The following SOX6 variants were observed in gnomAD, a reference collection of about 807,000 sequenced individuals.
SOX6 encodes SRY-box transcription factor 6.
In SOX6, 11 loss-of-function variants were observed where a neutral mutation model predicts 97.8. That is an observed-to-expected ratio of 0.11 (90% CI 0.07 to 0.19). The LOEUF is 0.19. SOX6 is among the 10% of genes least tolerant of loss of function. The probability of loss-of-function intolerance (pLI) is 1.00; values close to 1 mark genes in which losing one functional copy is unlikely to be tolerated. For synonymous variants in SOX6, 360 were observed against 371.4 expected, an observed-to-expected ratio of 0.97 and a Z score of 0.35; for missense variants, 810 against 1,039.5, an observed-to-expected ratio of 0.78 and a Z score of 3.04.
chr11:16,142,214 C>T (rs1850161887), intron 6 of SOX6, among the ~76,000 whole-genome samples: 2 of 152,188 alleles, frequency 1.3e-5, no homozygotes, highest in African/African-American at 4.8e-5. Context: ...TGTTCTGCAG[C>T]CTCCACTGCT....
chr11:15,997,743 G>T (rs553722385), intron 13 of SOX6, among the ~76,000 whole-genome samples: 18 of 152,256 alleles, frequency 1.2e-4, no homozygotes, highest in East Asian at 7.7e-4. Flanking sequence ...GTGAACTACC[G>T]AATGCTTTCT....
intron 12 of SOX6, among the ~76,000 whole-genome samples, chr11:16,039,442 T>C (rs938888066): frequency 6.6e-6 from 1 of 152,088 alleles, no homozygotes; most frequent in Non-Finnish European, 1.5e-5. Flanking sequence ...TAGCATATAT[T>C]CAAAGTATCA....
intron 3 of SOX6, among the ~76,000 whole-genome samples, chr11:16,302,033 G>T (rs562458263): frequency 6.6e-6 from 1 of 152,004 alleles, no homozygotes; most frequent in South Asian, 2.1e-4. Flanking sequence ...CTCCTAATTA[G>T]CAACCTCAAC....
intron 3 of SOX6, among the ~76,000 whole-genome samples, chr11:16,648,795 C>T (rs770402384): frequency 6.6e-6 from 1 of 152,024 alleles, no homozygotes; most frequent in Non-Finnish European, 1.5e-5. Context: ...ATAAAGAATT[C>T]AGAAGGTTGA....
At chr11:16,445,692 C>A (rs1251827190) in intron 1 of SOX6, among the ~76,000 whole-genome samples, 1 of 152,018 alleles carries the variant, frequency 6.6e-6, no homozygotes, top group Non-Finnish European at 1.5e-5. Flanking sequence ...GTTTTAGAAT[C>A]CTGACCCTGA....
intron 3 of SOX6, among the ~76,000 whole-genome samples, chr11:16,283,089 G>GTATA (rs10581083): frequency 0.16 from 18,273 of 113,466 alleles, 2,044 homozygotes; most frequent in Non-Finnish European, 0.17. Flanking sequence ...TATATAATTT[G>GTATA]TATATATATA....
intron 4 of SOX6, among the ~76,000 whole-genome samples, chr11:16,515,951 C>T (rs1057132270): frequency 2.0e-5 from 3 of 150,944 alleles, no homozygotes; most frequent in Admixed American, 6.7e-5. Flanking sequence ...GTTACTGTAG[C>T]CTTGTAGTAT....
chr11:16,487,401 C>T (rs1860454319), intron 4 of SOX6, among the ~76,000 whole-genome samples: 1 of 152,018 alleles, frequency 6.6e-6, no homozygotes, highest in Admixed American at 6.6e-5. Flanking sequence ...AAAGCATAAT[C>T]CCAGACCTCC....
chr11:16,552,394 C>A (rs1283747420), intron 4 of SOX6, among the ~76,000 whole-genome samples: 1 of 152,180 alleles, frequency 6.6e-6, no homozygotes, highest in South Asian at 2.1e-4. Flanking sequence ...AGGTCACCCT[C>A]ATTTCCCCCC....
intron 12 of SOX6, among the ~76,000 whole-genome samples, chr11:16,025,905 G>T (rs1262107680): frequency 6.6e-6 from 1 of 151,982 alleles, no homozygotes; most frequent in Non-Finnish European, 1.5e-5. Flanking sequence ...AGAAAAATAG[G>T]GAGCATGAGA....
chr11:16,130,878 A>C (rs1023537731), intron 6 of SOX6, among the ~76,000 whole-genome samples: 7 of 151,978 alleles, frequency 4.6e-5, no homozygotes, highest in African/African-American at 1.4e-4. Context: ...AGAAGATGAT[A>C]ATCTTTAAAA....
At chr11:16,373,894 AGGGAG>A (rs1310083910) in intron 1 of SOX6, among the ~76,000 whole-genome samples, 22 of 64,978 alleles carry the variant, frequency 3.4e-4, no homozygotes, top group African/African-American at 1.2e-3. Context: ...GAAGGGAGGG[AGGGAG>A]GAAGGGAGGG....
intron 3 of SOX6, among the ~76,000 whole-genome samples, chr11:16,255,381 A>C (rs968590837): frequency 1.8e-4 from 28 of 152,208 alleles, no homozygotes; most frequent in African/African-American, 6.5e-4. Flanking sequence ...AACAAGTTGA[A>C]AACAATTGAA....
chr11:16,602,085 T>A (rs1397713477), intron 4 of SOX6, among the ~76,000 whole-genome samples: 1 of 152,238 alleles, frequency 6.6e-6, no homozygotes, highest in African/African-American at 2.4e-5. Flanking sequence ...ATTTATATCA[T>A]GCTCCATAAT....
intron 6 of SOX6, among the ~76,000 whole-genome samples, chr11:16,156,761 T>A (rs1850611684): frequency 6.6e-6 from 1 of 151,748 alleles, no homozygotes; most frequent in Non-Finnish European, 1.5e-5. Context: ...CCTGGAATAC[T>A]TTTTTTTACC....
At chr11:16,161,628 T>A in intron 6 of SOX6, among the ~76,000 whole-genome samples, 1 of 152,086 alleles carries the variant, frequency 6.6e-6, no homozygotes, top group Non-Finnish European at 1.5e-5. Context: ...GCCACAAAAC[T>A]CCTGCTGAGA....
intron 3 of SOX6, among the ~76,000 whole-genome samples, chr11:16,711,753 G>A (rs1259247229): frequency 1.3e-5 from 2 of 151,856 alleles, no homozygotes; most frequent in African/African-American, 2.4e-5. Flanking sequence ...TGGGGTACAG[G>A]TGGTATTTGG....
At chr11:16,161,388 G>GTGTA (rs1554938253) in intron 6 of SOX6, among the ~76,000 whole-genome samples, 1 of 146,942 alleles carries the variant, frequency 6.8e-6, no homozygotes, top group East Asian at 2.0e-4. Context: ...ATATAGTCTT[G>GTGTA]TATATATATA....
At chr11:16,517,999 T>C (rs1310604405) in intron 4 of SOX6, among the ~76,000 whole-genome samples, 1 of 152,198 alleles carries the variant, frequency 6.6e-6, no homozygotes, top group Non-Finnish European at 1.5e-5. Context: ...ATATCTTCTG[T>C]CTATTCATTG....
Sources: gnomAD v4.1 joint callset for allele counts (sites outside exome capture counted in the v4.1 genomes callset) on GRCh38, gnomAD v4.1.1 for gene constraint, MANE v1.5 for transcripts, NCBI Gene and HGNC (gene_info 2026-07-23, HGNC 2026-07-21) for gene names.